The following ADK variants were observed in gnomAD, a reference collection of about 807,000 sequenced individuals.
ADK encodes N6,N6-dimethyladenosine kinase.
Under a neutral mutation model 44.7 loss-of-function variants are expected in ADK, and 24 were observed. That is an observed-to-expected ratio of 0.54 (90% CI 0.39 to 0.76). The LOEUF (loss-of-function observed/expected upper bound fraction) is 0.76, where lower values mean the gene tolerates loss of function less well. ADK is among the 30% of genes least tolerant of loss of function. The probability of loss-of-function intolerance (pLI) is 0.00; values close to 1 mark genes in which losing one functional copy is unlikely to be tolerated. For missense variants in ADK, 321 were observed against 425.1 expected, an observed-to-expected ratio of 0.76 and a Z score of 2.15; for synonymous variants, 128 against 142.6, an observed-to-expected ratio of 0.90 and a Z score of 0.73.
chr10:74,561,825 G>A (rs564505066), intron 7 of ADK, among the ~76,000 whole-genome samples: 10 of 152,176 alleles, frequency 6.6e-5, no homozygotes, highest in Non-Finnish European at 1.3e-4. Flanking sequence ...GGCATAAGCT[G>A]TTTAGAGTCC....
chr10:74,654,844 T>C (rs1209531072), intron 9 of ADK: 1 of 148,800 alleles, frequency 6.7e-6, no homozygotes, highest in Non-Finnish European at 1.5e-5. Context: ...AAGGCCAATA[T>C]GGGCCCAGGG....
chr10:74,665,745 GA>G (rs1232624555), intron 9 of ADK, among the ~76,000 whole-genome samples: 1 of 79,594 alleles, frequency 1.3e-5, no homozygotes, highest in South Asian at 7.3e-4. Context: ...TTGAGAGAGA[GA>G]GAGAGAGAGA....
At chr10:74,259,556 A>G (rs1445997855) in intron 3 of ADK, among the ~76,000 whole-genome samples, 2 of 145,750 alleles carry the variant, frequency 1.4e-5, no homozygotes. Context: ...TCCTGGGTTC[A>G]TGCCATTCTC....
At chr10:74,602,966 G>A (rs1852192612) in intron 9 of ADK, among the ~76,000 whole-genome samples, 1 of 152,192 alleles carries the variant, frequency 6.6e-6, no homozygotes, top group Non-Finnish European at 1.5e-5. Flanking sequence ...ATGTCAGGAT[G>A]CAATCATTCG....
intron 3 of ADK, among the ~76,000 whole-genome samples, chr10:74,244,666 A>G (rs1430735144): frequency 1.3e-5 from 2 of 152,204 alleles, no homozygotes; most frequent in Non-Finnish European, 1.5e-5. Context: ...CAATATTACT[A>G]TCTCATTTGA....
chr10:74,159,668 C>T (rs556823809), intron 1 of ADK, among the ~76,000 whole-genome samples: 1 of 152,200 alleles, frequency 6.6e-6, no homozygotes, highest in South Asian at 2.1e-4. Context: ...TCTCAGCTCA[C>T]TGCAACCTCC....
At chr10:74,287,463 C>CAA (rs879647051) in intron 3 of ADK, among the ~76,000 whole-genome samples, 3 of 104,996 alleles carry the variant, frequency 2.9e-5, no homozygotes, top group South Asian at 3.0e-4. Context: ...GACTCCGTCT[C>CAA]AAAAAAAAAA....
intron 3 of ADK, among the ~76,000 whole-genome samples, chr10:74,238,665 G>A (rs1380527080): frequency 1.3e-5 from 2 of 152,130 alleles, no homozygotes; most frequent in Non-Finnish European, 2.9e-5. Context: ...AACCTGCAAA[G>A]TTATGGTCTC....
intron 6 of ADK, among the ~76,000 whole-genome samples, chr10:74,495,610 A>G (rs539121529): frequency 3.3e-5 from 5 of 152,334 alleles, no homozygotes; most frequent in African/African-American, 7.2e-5. Context: ...AAGTGTTCAC[A>G]TAACCAGCCC....
intron 10 of ADK, among the ~76,000 whole-genome samples, chr10:74,704,836 ATC>A (rs1856544547): frequency 6.6e-6 from 1 of 152,238 alleles, no homozygotes; most frequent in African/African-American, 2.4e-5. Flanking sequence ...TGAATTTGGC[ATC>A]TGCTCCATTC....
chr10:74,531,234 G>A (rs564289155), intron 7 of ADK, among the ~76,000 whole-genome samples: 3 of 152,274 alleles, frequency 2.0e-5, no homozygotes, highest in East Asian at 1.9e-4. Flanking sequence ...AGTCAGAGTG[G>A]ATAACCTCGT....
rs377091258 is a variant in ADK, at chr10:74,174,121, G to T, written c.65+22778G>T. On this transcript the variant is annotated intron_variant, in intron 1 of 10. Transcript: ENST00000539909. The stretch of plus-strand genomic sequence containing the variant: ...AGTTCAAGCCCAGCCTGGCCAACAC[G>T]GTGAAACCTTGTCTCTACTAAAAAC... Among the ~76,000 whole-genome samples the T allele has an allele frequency of 1.1e-4, 16 of 151,070 alleles. No homozygotes were observed. The East Asian group carries it at 2.8e-3, about 26-fold the overall frequency.
At chr10:74,205,197 A>G (rs1433759620) in intron 2 of ADK, among the ~76,000 whole-genome samples, 1 of 151,810 alleles carries the variant, frequency 6.6e-6, no homozygotes, top group Non-Finnish European at 1.5e-5. Flanking sequence ...CTATCTTTCT[A>G]TTCTATTAAC....
chr10:74,573,887 C>T (rs540812429), intron 7 of ADK, among the ~76,000 whole-genome samples: 16 of 152,302 alleles, frequency 1.1e-4, no homozygotes, highest in Non-Finnish European at 2.1e-4. Context: ...GGGAATGACC[C>T]GATCTTCCAG....
chr10:74,665,972 A>G (rs911948595), intron 9 of ADK, among the ~76,000 whole-genome samples: 1 of 152,216 alleles, frequency 6.6e-6, no homozygotes, highest in Non-Finnish European at 1.5e-5. Flanking sequence ...AAAATTTTCT[A>G]AGGATATCGT....
chr10:74,430,247 A>G (rs1844936384), intron 6 of ADK, among the ~76,000 whole-genome samples: 1 of 152,166 alleles, frequency 6.6e-6, no homozygotes, highest in African/African-American at 2.4e-5. Context: ...CAGTTTCTCG[A>G]GGTAACTTCT....
intron 1 of ADK, among the ~76,000 whole-genome samples, chr10:74,153,441 T>G (rs1841668116): frequency 6.6e-6 from 1 of 152,236 alleles, no homozygotes; most frequent in South Asian, 2.1e-4. Context: ...AGGGAGCATC[T>G]GACAAGACTA....
At chr10:74,436,755 C>G (rs1317049291) in intron 6 of ADK, among the ~76,000 whole-genome samples, 1 of 152,040 alleles carries the variant, frequency 6.6e-6, no homozygotes, top group Non-Finnish European at 1.5e-5. Flanking sequence ...ATACAAAAAT[C>G]GAGTAAATGG....
At chr10:74,517,371 G>A (rs1165020742) in intron 6 of ADK, among the ~76,000 whole-genome samples, 2 of 152,028 alleles carry the variant, frequency 1.3e-5, no homozygotes, top group Non-Finnish European at 2.9e-5. Context: ...CATACCTGAA[G>A]TTGGGAGTAT....
Sources: allele counts gnomAD v4.1 joint callset (sites outside exome capture counted in the v4.1 genomes callset), GRCh38; gene constraint gnomAD v4.1.1; transcripts MANE v1.5; gene names NCBI Gene and HGNC (gene_info 2026-07-23, HGNC 2026-07-21).